Variants in LAMA5 observed in about 807,000 individuals in gnomAD.
LAMA5 encodes the protein laminin subunit alpha 5, also known as laminin subunit alpha-5.
LAMA5 carries 260 observed loss-of-function variants against 433.4 expected under a neutral mutation model. The ratio of observed to expected loss-of-function variants is 0.60; its 90% CI spans 0.54 to 0.66. The LOEUF is 0.66. Ranked by LOEUF, LAMA5 falls within the 30% of genes least tolerant of loss-of-function variation. The pLI, the probability that LAMA5 is intolerant of heterozygous loss-of-function variation, is 0.00. For missense variants in LAMA5, 5,378 were observed against 5,258.5 expected (o/e 1.02, Z -0.70); for synonymous variants, 2,620 against 2,226.6 (o/e 1.18, Z -4.97).
chr20:62,360,742 G>A (rs938306394), intron 2 of LAMA5, among the ~76,000 whole-genome samples: 16 of 151,332 alleles, frequency 1.1e-4, no homozygotes, highest in African/African-American at 3.9e-4. Flanking sequence ...TACAGTTGGT[G>A]AAACTGAGGC....
chr20:62,346,462 C>T (rs1263862999), intron 9 of LAMA5, 44 bp downstream of exon 9: 1 of 1,525,718 alleles, frequency 6.6e-7, no homozygotes, highest in Non-Finnish European at 8.9e-7. Context: ...TCTTTCCAGG[C>T]AGACCCTGAG....
In LAMA5 at chr20:62,314,600, C is replaced by T. The variant is rs1986727051; in HGVS notation, c.8322G>A (p.Gly2774=). ...FYLQGPEPEP[G]QGTEDRFVMY... ...TCACAAAGCGATCCTCGGTACCCTG[C>T]CCAGGCTCAGGCTCTGGGCCCTGCA... The change falls in exon 61 of 80, where the codon GGG becomes GGA. Residue 2774 remains glycine, a synonymous_variant. Transcript: ENST00000252999. 1.2e-6 allele frequency: 2 copies of T among 1,612,160 alleles called. No individual in the cohort carries two copies. The highest frequency in any genetic ancestry group is 1.3e-5 in the African/African-American group (1 of 75,034).
intron 55 of LAMA5, 94 bp downstream of exon 55, chr20:62,317,251 G>T: frequency 7.4e-7 from 1 of 1,347,236 alleles, no homozygotes; most frequent in Non-Finnish European, 9.8e-7. Flanking sequence ...AACGGCCTCA[G>T]CCCCTAGGAG....
chr20:62,327,687 G>A lies in LAMA5; in HGVS notation c.4798-18C>T. On this transcript the variant is annotated intron_variant, in intron 36 of 79. Transcript: ENST00000252999. ...ACGTTCTCCTAGGGATGAGAGGACAGTGAGAGTGGTCGGCAGGTGCCAGGT... is the reference window on the plus strand; with the variant it reads ...ACGTTCTCCTAGGGATGAGAGGACAATGAGAGTGGTCGGCAGGTGCCAGGT... 1 of 1,608,104 alleles carries A rather than the reference G, an allele frequency of 6.2e-7. No homozygotes were observed. The highest frequency in any genetic ancestry group is 1.3e-5 in the African/African-American group (1 of 74,966).
At chr20:62,327,094 A>G (rs773363039) in intron 38 of LAMA5, 128 bp from the exon 39 acceptor site, 5 of 1,096,574 alleles carry the variant, frequency 4.6e-6, no homozygotes, top group Non-Finnish European at 6.5e-6. Flanking sequence ...CTCATTCCCT[A>G]CCGGGACAGG....
intron 2 of LAMA5, among the ~76,000 whole-genome samples, chr20:62,354,884 G>A (rs1457602694): frequency 6.6e-6 from 1 of 152,200 alleles, no homozygotes; most frequent in Non-Finnish European, 1.5e-5. Context: ...GCTCTCCCAG[G>A]CAGAGGCTCC....
chr20:62,332,843 C>T, intron 26 of LAMA5, 126 bp from the exon 27 acceptor site: 2 of 1,214,676 alleles, frequency 1.6e-6, no homozygotes, highest in African/African-American at 1.5e-5. Flanking sequence ...CTGGCCCGGA[C>T]ATCTCCAGGC....
intron 20 of LAMA5, 149 bp from the exon 21 acceptor site, chr20:62,334,770 C>CGAGGGCGAGGGT (rs1568945990): frequency 1.1e-4 from 71 of 632,566 alleles, no homozygotes; most frequent in Non-Finnish European, 1.6e-4. Flanking sequence ...AGGGCGAGGG[C>CGAGGGCGAGGGT]GAGGGTGAGG....
intron 1 of LAMA5, 44 bp from the exon 2 acceptor site, chr20:62,362,596 G>GCC (rs1986265811): frequency 7.0e-7 from 1 of 1,430,232 alleles, no homozygotes; most frequent in African/African-American, 1.4e-5. Flanking sequence ...AAGGGCCGGG[G>GCC]CCCCCTTCCT....
At chr20:62,341,502 C>G (rs1476690144) in intron 11 of LAMA5, among the ~76,000 whole-genome samples, 1 of 152,204 alleles carries the variant, frequency 6.6e-6, no homozygotes, top group Non-Finnish European at 1.5e-5. Context: ...CCCACTGGAT[C>G]AGTTACATCC....
At position 62,328,233 on chromosome 20, in the gene LAMA5, GCT is replaced by G. The variant is rs1369589234; in HGVS notation, c.4652+6_4652+7del. 1.9e-6 allele frequency: 3 copies of G among 1,595,882 alleles called. No individual in the cohort carries two copies. The highest frequency in any genetic ancestry group is 2.7e-5 in the African/African-American group (2 of 74,638). On this transcript the variant is annotated splice_donor_region_variant and intron_variant, in intron 35 of 79. Transcript: ENST00000252999. ...AGGGGCCGCGCTGACGCCGCTCTGG[GCT>G]CTCACTTGCACTGGCCGCTGTCTGT... is the stretch of plus-strand genomic sequence containing the variant.
rs1294386322 is a variant in LAMA5, at chr20:62,345,886, A to G, written c.1418-9T>C. ...GGAGGACGAGGGCGTCGCTGAGGGGAAGAGACACGCATGTTGGCCAGGTCT... is the reference window on the plus strand; with the variant it reads ...GGAGGACGAGGGCGTCGCTGAGGGGGAGAGACACGCATGTTGGCCAGGTCT... On this transcript the variant is annotated splice_polypyrimidine_tract_variant and intron_variant, in intron 10 of 79. Transcript: ENST00000252999. The G allele has an allele frequency of 1.3e-6, 2 of 1,555,158 alleles. No individual in the cohort carries two copies. Among genetic ancestry groups the G allele is most frequent in the Non-Finnish European group, 8.7e-7 (1 of 1,149,360 alleles).
At chr20:62,350,473 T>C (rs191938433) in intron 6 of LAMA5, among the ~76,000 whole-genome samples, 1 of 152,050 alleles carries the variant, frequency 6.6e-6, no homozygotes, top group Non-Finnish European at 1.5e-5. Context: ...GCACTGGCCG[T>C]GAGAATGGGA....
Position 62,324,945 on chromosome 20 carries a change from T to C in LAMA5, c.5529+371A>G. The C allele has an allele frequency of 2.6e-6, 1 of 378,486 alleles. No individual in the cohort carries two copies. Among genetic ancestry groups the C allele is most frequent in the Non-Finnish European group, 4.9e-6 (1 of 203,626 alleles). 23.4% of individuals were successfully genotyped at this position (378,486 alleles called of 1,614,324 possible). Reference sequence around the variant, plus strand: ...AGACAGACAGATTAGCAGGGCAGATTAGCAGCTGGACAGACACACAGTGGG... The same window carrying C: ...AGACAGACAGATTAGCAGGGCAGATCAGCAGCTGGACAGACACACAGTGGG... On this transcript the variant is annotated intron_variant, in intron 41 of 79. Coordinates refer to ENST00000252999, the MANE Select transcript of LAMA5 (RefSeq NM_005560.6). This position sits in a 1 kb window ranked among gnomAD's most constrained non-coding sequence, Gnocchi z 4.4.
chr20:62,312,102 C>T, intron 69 of LAMA5, 52 bp from the exon 70 acceptor site: 1 of 1,608,482 alleles, frequency 6.2e-7, no homozygotes, highest in Non-Finnish European at 8.5e-7. Context: ...AGACTCATTC[C>T]AGACACCCCA....
rs1986039169 is a variant in LAMA5, at chr20:62,310,003, A to G, written c.10813T>C (p.Trp3605Arg). 6.2e-7 allele frequency: 1 copy of G among 1,611,102 alleles called. No homozygotes were observed. Among genetic ancestry groups the G allele is most frequent in the Non-Finnish European group, 8.5e-7 (1 of 1,179,652 alleles). ...GGGGCCTCACCCGCTAGCCGGTGCC[A>G]CTGGCCATCACACAGCACTGAGGGG... The part of the protein sequence containing the change: ...TRPSVLCDGQ[W>R]HRLAVMKSGN... The change falls in exon 78 of 80, where the codon TGG becomes CGG. Residue 3605 changes from tryptophan to arginine, a missense_variant. Physicochemically the swap from Trp to Arg is moderately radical, Grantham distance 101 (BLOSUM62 -3). Coordinates refer to ENST00000252999, the MANE Select transcript of LAMA5 (RefSeq NM_005560.6).
Position 62,332,695 on chromosome 20 carries a change from G to C in LAMA5, c.3305C>G (p.Ala1102Gly), listed in dbSNP as rs750072908. Residue 1102 changes from alanine to glycine, a missense_variant, in exon 27 of 80, where the codon GCA (alanine) becomes GGA (glycine). Physicochemically the swap from Ala to Gly is moderately conservative, Grantham distance 60. Transcript: ENST00000252999. ...GSDVDVQLQV[A>G]VPQPGRYALV... ...GGCATAGCGGCCTGGCTGTGGCACT[G>C]CCACTTGAAGCTGGACGTCCACCTG... The C allele has an allele frequency of 6.2e-6, 10 of 1,610,764 alleles. No individual in the cohort carries two copies. In the South Asian group the frequency reaches 9.9e-5, roughly 16 times the overall value.
intron 2 of LAMA5, chr20:62,353,455 G>T: frequency 2.0e-6 from 1 of 502,396 alleles, no homozygotes; most frequent in Non-Finnish European, 3.5e-6. Flanking sequence ...GAGCCCCCGG[G>T]AACCAGCCCT....
rs752323363 is a variant in LAMA5 at position 62,311,143 on chromosome 20, C to T, written c.10088+19G>A. On this transcript the variant is annotated intron_variant, in intron 73 of 79. Coordinates refer to ENST00000252999, the MANE Select transcript of LAMA5 (RefSeq NM_005560.6). ...CTGCGCGGCCCCTCTCAGCCCACCC[C>T]AGCCGGGCCTGGCCTTACCAGTTCC... 1.3e-6 allele frequency: 2 copies of T among 1,567,286 alleles called. No homozygotes were observed. Among genetic ancestry groups the T allele is most frequent in the Admixed American group, 3.7e-5 (2 of 53,798 alleles).
Sources: allele counts gnomAD v4.1 joint callset (sites outside exome capture counted in the v4.1 genomes callset), GRCh38; gene constraint gnomAD v4.1.1; non-coding constraint Gnocchi (gnomAD v3.1); transcripts MANE v1.5; gene names NCBI Gene and HGNC (gene_info 2026-07-23, HGNC 2026-07-21).